Variants in MALRD1 observed in about 807,000 individuals in gnomAD.
The protein encoded by MALRD1 is MAM and LDL-receptor class A domain-containing protein 1.
MALRD1 carries 247 observed loss-of-function variants against 242.1 expected under a neutral mutation model. The observed-to-expected ratio is 1.02, with a 90% CI of 0.92 to 1.13. The LOEUF (loss-of-function observed/expected upper bound fraction) is 1.13. Among genes scored for constraint, MALRD1 ranks in the 50% most tolerant of loss-of-function variants. The pLI, the probability that MALRD1 is intolerant of heterozygous loss-of-function variation, is 0.00. For synonymous variants in MALRD1, 995 were observed against 866.6 expected, an observed-to-expected ratio of 1.15 and a Z score of -2.60; for missense variants, 2,989 against 2,533.1, an observed-to-expected ratio of 1.18 and a Z score of -3.86.
chr10:19,623,330 A>G (rs758913039), intron 36 of MALRD1, among the ~76,000 whole-genome samples: 4 of 152,238 alleles, frequency 2.6e-5, no homozygotes, highest in Admixed American at 1.3e-4. Flanking sequence ...TGTCACAGAG[A>G]AGAAAGAGAT....
intron 33 of MALRD1, among the ~76,000 whole-genome samples, chr10:19,570,804 T>G (rs4748597): frequency 0.37 from 56,536 of 151,814 alleles, 11,799 homozygotes; most frequent in Non-Finnish European, 0.48. Context: ...AAAATAGAAA[T>G]ATGAATTATT....
chr10:19,155,591 C>A (rs1834113725), intron 12 of MALRD1, among the ~76,000 whole-genome samples: 1 of 152,240 alleles, frequency 6.6e-6, no homozygotes, highest in South Asian at 2.1e-4. Flanking sequence ...CAGGCAAACA[C>A]AAACTAAGGA....
At chr10:19,167,645 C>G (rs545827458) in intron 13 of MALRD1, among the ~76,000 whole-genome samples, 1 of 152,262 alleles carries the variant, frequency 6.6e-6, no homozygotes, top group South Asian at 2.1e-4. Flanking sequence ...AGAGCTCATA[C>G]TCTAGGCGAA....
chr10:19,378,278 A>C (rs1347823124), intron 26 of MALRD1, among the ~76,000 whole-genome samples: 1 of 152,130 alleles, frequency 6.6e-6, no homozygotes. Flanking sequence ...TAAATTCTCC[A>C]CTGTAATTTA....
chr10:19,686,364 G>A lies in MALRD1; in HGVS notation c.6138-5918G>A, dbSNP rs187998008. On this transcript the variant is annotated intron_variant, in intron 36 of 39. Transcript: ENST00000454679. ...GGCCCACTGATGCTTGGGAGTGGCC[G>A]TGCGTGGCGTGTTTGCTGCAGTTGT... Among the ~76,000 whole-genome samples, 181 of 152,258 alleles carry A rather than the reference G, an allele frequency of 1.2e-3. 1 individual carries two copies. The highest frequency in any genetic ancestry group is 4.1e-3 in the African/African-American group (172 of 41,544).
intron 35 of MALRD1, among the ~76,000 whole-genome samples, chr10:19,609,351 C>T (rs2131595505): frequency 6.6e-6 from 1 of 152,144 alleles, no homozygotes; most frequent in Non-Finnish European, 1.5e-5. Context: ...TATCTATTTA[C>T]ATGTTGTATG....
chr10:19,522,571 A>G (rs2131321094), intron 31 of MALRD1, among the ~76,000 whole-genome samples: 1 of 152,174 alleles, frequency 6.6e-6, no homozygotes, highest in South Asian at 2.1e-4. Context: ...ATTAGGACAC[A>G]CCTTTTATGA....
At chr10:19,102,928 A>G (rs1201785640) in intron 4 of MALRD1, among the ~76,000 whole-genome samples, 6 of 151,872 alleles carry the variant, frequency 4.0e-5, no homozygotes, top group African/African-American at 1.5e-4. Context: ...TGCTCACTGC[A>G]ACCTGCGCCT....
chr10:19,378,237 C>G (rs1320149538), intron 26 of MALRD1, among the ~76,000 whole-genome samples: 1 of 152,058 alleles, frequency 6.6e-6, no homozygotes, highest in South Asian at 2.1e-4. Flanking sequence ...GAAGGGAATT[C>G]GTTTTGCATT....
intron 22 of MALRD1, 148 bp downstream of exon 22, chr10:19,324,253 G>A (rs1172477317): frequency 4.0e-6 from 3 of 758,068 alleles, no homozygotes; most frequent in East Asian, 2.9e-5. Context: ...TGGAGTAAAA[G>A]CTTTAGCAGA....
At chr10:19,633,150 G>A (rs1416428899) in intron 36 of MALRD1, among the ~76,000 whole-genome samples, 1 of 152,082 alleles carries the variant, frequency 6.6e-6, no homozygotes, top group African/African-American at 2.4e-5. Context: ...GAGATCACTT[G>A]AATCTGGGAG....
At chr10:19,070,554 C>A (rs540079385) in intron 2 of MALRD1, among the ~76,000 whole-genome samples, 13 of 152,112 alleles carry the variant, frequency 8.5e-5, no homozygotes, top group Admixed American at 2.6e-4. Flanking sequence ...TAAAAAAGTT[C>A]TCTGTTACCT....
rs558908838 is a variant in MALRD1, at chr10:19,292,618, CG to C, written c.3419+9441del. On this transcript the variant is annotated intron_variant, in intron 21 of 39. Transcript: ENST00000454679. ...AGCCACATAAATAATGCAGGCCGGG[CG>C]GGGTGGTTCACGCCTGTAATCCCAT... 3.8e-4 allele frequency among the ~76,000 whole-genome samples: 58 copies of C among 152,116 alleles called. No homozygotes were observed. The South Asian group carries it at 9.5e-3, about 25-fold the overall frequency.
At chr10:19,286,167 G>A (rs1250041328) in intron 21 of MALRD1, among the ~76,000 whole-genome samples, 3 of 144,218 alleles carry the variant, frequency 2.1e-5, no homozygotes, top group Non-Finnish European at 4.5e-5. Flanking sequence ...AGACGATGGG[G>A]TTTTCTAGAT....
intron 32 of MALRD1, among the ~76,000 whole-genome samples, chr10:19,548,514 A>G (rs1026243182): frequency 2.6e-5 from 4 of 152,132 alleles, no homozygotes; most frequent in Non-Finnish European, 5.9e-5. Context: ...ACTGGCCTGA[A>G]TCATCCTCCC....
chr10:19,504,891 C>T (rs1399295480), intron 31 of MALRD1, among the ~76,000 whole-genome samples: 1 of 150,854 alleles, frequency 6.6e-6, no homozygotes, highest in Non-Finnish European at 1.5e-5. Flanking sequence ...ACCTTGTTAG[C>T]CAGGATGGTC....
At chr10:19,245,308 A>G (rs1332590775) in intron 18 of MALRD1, among the ~76,000 whole-genome samples, 1 of 152,028 alleles carries the variant, frequency 6.6e-6, no homozygotes, top group Non-Finnish European at 1.5e-5. Context: ...TGAATTACAA[A>G]TGATTTTTTT....
intron 26 of MALRD1, among the ~76,000 whole-genome samples, chr10:19,382,601 T>C (rs1845886349): frequency 6.6e-6 from 1 of 152,136 alleles, no homozygotes; most frequent in South Asian, 2.1e-4. Flanking sequence ...AAGTAAATAC[T>C]TGGGATTTAC....
intron 21 of MALRD1, among the ~76,000 whole-genome samples, chr10:19,308,890 A>AAG (rs1842324833): frequency 6.6e-6 from 1 of 151,606 alleles, no homozygotes; most frequent in Non-Finnish European, 1.5e-5. Flanking sequence ...AGAATGTAAT[A>AAG]AATCAAAGAC....
Sources: gnomAD v4.1 joint callset for allele counts (sites outside exome capture counted in the v4.1 genomes callset) on GRCh38, gnomAD v4.1.1 for gene constraint, MANE v1.5 for transcripts, NCBI Gene and HGNC (gene_info 2026-07-23, HGNC 2026-07-21) for gene names.